The following PSMD6 variants were observed in gnomAD, a reference collection of about 807,000 sequenced individuals.
PSMD6 encodes 26S proteasome non-ATPase regulatory subunit 6.
Under a neutral mutation model 44.9 loss-of-function variants are expected in PSMD6, and 7 were observed. That is an observed-to-expected ratio of 0.16 (90% CI 0.09 to 0.29). PSMD6 has a LOEUF of 0.29. Ranked by LOEUF, PSMD6 falls within the 10% of genes least tolerant of loss-of-function variation. The probability of loss-of-function intolerance (pLI) is 1.00; values close to 1 mark genes in which losing one functional copy is unlikely to be tolerated. For synonymous variants in PSMD6, 184 were observed against 172.7 expected, an observed-to-expected ratio of 1.07 and a Z score of -0.51; for missense variants, 420 against 482.6, an observed-to-expected ratio of 0.87 and a Z score of 1.21.
At chr3:64,017,264 T>C (rs2076059452) in intron 5 of PSMD6, 1 of 152,158 alleles carries the variant, frequency 6.6e-6, no homozygotes, top group Admixed American at 6.6e-5. Flanking sequence ...AAGCACTGAA[T>C]TGTACACTTG....
intron 4 of PSMD6, 38 bp downstream of exon 4, chr3:64,018,780 C>G (rs758344565): frequency 1.3e-6 from 2 of 1,531,254 alleles, no homozygotes; most frequent in South Asian, 2.3e-5. Flanking sequence ...ACAAAAAAAA[C>G]AAGTCTTTAA....
At chr3:64,012,284 A>AAAAC (rs1322026274) in intron 6 of PSMD6, 1 of 152,170 alleles carries the variant, frequency 6.6e-6, no homozygotes, top group Non-Finnish European at 1.5e-5. Context: ...CAGACCATTG[A>AAAAC]AAACACCATC....
rs373442135 is a variant in PSMD6, at chr3:64,023,443, A to C, written c.-24T>G. 1.3e-6 allele frequency: 2 copies of C among 1,572,248 alleles called. No individual in the cohort carries two copies. The highest frequency in any genetic ancestry group is 1.7e-6 in the Non-Finnish European group (2 of 1,153,476). ...ATCGCGGCGAAGGGGACAGCGGCTGACAGGACACAACTTGGTTACGACCGG... is the reference window on the plus strand; with the variant it reads ...ATCGCGGCGAAGGGGACAGCGGCTGCCAGGACACAACTTGGTTACGACCGG... On this transcript the variant is annotated 5_prime_UTR_variant, in exon 1 of 8. Coordinates refer to ENST00000295901, the MANE Select transcript of PSMD6 (RefSeq NM_014814.3).
chr3:64,016,235 A>T (rs567129536), intron 5 of PSMD6: 1 of 152,236 alleles, frequency 6.6e-6, no homozygotes, highest in South Asian at 2.1e-4. Context: ...GATATAAAAC[A>T]ATATTAAAAT....
At chr3:64,020,468 C>T (rs1292150791) in intron 2 of PSMD6, among the ~76,000 whole-genome samples, 1 of 152,068 alleles carries the variant, frequency 6.6e-6, no homozygotes, top group Non-Finnish European at 1.5e-5. Flanking sequence ...TCTTCAAAAC[C>T]TGAATCAAAA....
At chr3:64,012,623 C>T (rs2075977613) in intron 6 of PSMD6, 7 of 152,178 alleles carry the variant, frequency 4.6e-5, no homozygotes, top group Admixed American at 4.6e-4. Flanking sequence ...CATATATTAT[C>T]CTCAAAATCT....
At chr3:64,019,498 T>C in intron 2 of PSMD6, 57 bp from the exon 3 acceptor site, 1 of 1,547,054 alleles carries the variant, frequency 6.5e-7, no homozygotes, top group South Asian at 1.2e-5. Context: ...CAAAAAAAGC[T>C]ATCAGCTGTC....
At chr3:64,010,815 A>G in intron 7 of PSMD6, 51 bp from the exon 8 acceptor site, 3 of 1,576,012 alleles carry the variant, frequency 1.9e-6, no homozygotes, top group Non-Finnish European at 2.6e-6. Context: ...ACATTATTCC[A>G]TGACAATAGT....
chr3:64,019,061 C>A (rs762783089), intron 3 of PSMD6, 24 bp from the exon 4 acceptor site: 2 of 1,568,904 alleles, frequency 1.3e-6, no homozygotes, highest in East Asian at 4.5e-5. Context: ...ACAGTAAGAT[C>A]ATAGTCTGGA....
At chr3:64,011,127 C>CATCATCTACTAGAATA in intron 6 of PSMD6, 172 bp from the exon 7 acceptor site, 1 of 527,654 alleles carries the variant, frequency 1.9e-6, no homozygotes, top group Non-Finnish European at 3.3e-6. Context: ...GGCTTTAAGT[C>CATCATCTACTAGAATA]ATCATCTACT....
rs1576027037 is a variant in PSMD6 at position 64,013,858 on chromosome 3, A to G, written c.827-251T>C. 1.2e-5 allele frequency: 4 copies of G among 337,062 alleles called. No homozygotes were observed. In the South Asian group the frequency reaches 4.1e-4, roughly 35 times the overall value. 20.9% of individuals were successfully genotyped at this position (337,062 alleles called of 1,614,324 possible). A position where few individuals can be genotyped will look rare whatever the true frequency, so the allele number is the denominator to read the frequency against. Reference sequence around the variant, plus strand: ...CTATCAGAGCTCAGCTTCTAAAGGAACTTGTTCATAGATGACAAAGTTCAC... The same window carrying G: ...CTATCAGAGCTCAGCTTCTAAAGGAGCTTGTTCATAGATGACAAAGTTCAC... On this transcript the variant is annotated intron_variant, in intron 5 of 7. Transcript: ENST00000295901.
In PSMD6 at chr3:64,013,694, C is replaced by T; in HGVS notation, c.827-87G>A. The T allele has an allele frequency of 1.7e-6, 2 of 1,200,960 alleles. 1 individual carries two copies. Among genetic ancestry groups the T allele is most frequent in the South Asian group, 3.6e-5 (2 of 55,226 alleles). 74.4% of individuals were successfully genotyped at this position (1,200,960 alleles called of 1,614,324 possible). On this transcript the variant is annotated intron_variant, in intron 5 of 7. Coordinates refer to ENST00000295901, the MANE Select transcript of PSMD6 (RefSeq NM_014814.3). ...CTAAAGCAACACTACTAGTTGAGTC[C>T]AACAGATAGATGAACAAGTATCAAA...
In PSMD6 at chr3:64,010,769, A is replaced by T; in HGVS notation, c.1074-5T>A. ...TGCCAGTTCTTGCTATCAGGTCTATAAATAAATTCAAGAAAAAATGAATTA... is the reference window on the plus strand; with the variant it reads ...TGCCAGTTCTTGCTATCAGGTCTATTAATAAATTCAAGAAAAAATGAATTA... On this transcript the variant is annotated splice_region_variant and splice_polypyrimidine_tract_variant and intron_variant, in intron 7 of 7. Coordinates refer to ENST00000295901, the MANE Select transcript of PSMD6 (RefSeq NM_014814.3). 6.3e-7 allele frequency: 1 copy of T among 1,593,326 alleles called. No homozygotes were observed. The highest frequency in any genetic ancestry group is 8.6e-7 in the Non-Finnish European group (1 of 1,165,280).
intron 1 of PSMD6, 47 bp from the exon 2 acceptor site, chr3:64,022,570 C>A: frequency 6.2e-7 from 1 of 1,608,542 alleles, no homozygotes; most frequent in Non-Finnish European, 8.5e-7. Context: ...CTTGTGCCCT[C>A]AAGTCAAAGT....
intron 1 of PSMD6, 26 bp from the exon 2 acceptor site, chr3:64,022,549 G>A: frequency 6.2e-7 from 1 of 1,611,834 alleles, no homozygotes; most frequent in Non-Finnish European, 8.5e-7. Flanking sequence ...AGGGATGTGT[G>A]AGTGGGGACA....
intron 6 of PSMD6, chr3:64,011,340 A>ATTAACATG (rs1185770771): frequency 2.0e-5 from 3 of 152,908 alleles, no homozygotes; most frequent in Non-Finnish European, 4.1e-5. Context: ...CAGCAATAGT[A>ATTAACATG]TTAACATGTC....
Position 64,013,432 on chromosome 3 carries a change from A to AACTT in PSMD6, c.995+3_995+6dup, listed in dbSNP as rs752249859. 6 of 1,552,716 alleles carry AACTT rather than the reference A, an allele frequency of 3.9e-6. No homozygotes were observed. The highest frequency in any genetic ancestry group is 2.8e-5 in the African/African-American group (2 of 71,716). ...ACTTCAATTAACATGGCATTATTCAAACTTACTGATCAATGAATTCCACAC... is the reference window on the plus strand; with the variant it reads ...ACTTCAATTAACATGGCATTATTCAAACTTACTTACTGATCAATGAATTCCACAC... On this transcript the variant is annotated splice_region_variant and intron_variant, in intron 6 of 7. Transcript: ENST00000295901.
chr3:64,013,246 C>T, intron 6 of PSMD6, 193 bp downstream of exon 6: 1 of 493,458 alleles, frequency 2.0e-6, no homozygotes, highest in South Asian at 3.6e-5. Flanking sequence ...TCTGTTAATG[C>T]AAGGGGCAGA....
intron 2 of PSMD6, among the ~76,000 whole-genome samples, chr3:64,020,796 A>G (rs2076116706): frequency 1.3e-5 from 2 of 152,250 alleles, no homozygotes; most frequent in South Asian, 2.1e-4. Context: ...TTCATAAATC[A>G]TAATTACCGA....
Sources: gnomAD v4.1 joint callset for allele counts (sites outside exome capture counted in the v4.1 genomes callset) on GRCh38, gnomAD v4.1.1 for gene constraint, MANE v1.5 for transcripts, NCBI Gene and HGNC (gene_info 2026-07-23, HGNC 2026-07-21) for gene names.